GPC6: variants seen among roughly 807,000 people sequenced by gnomAD.
The protein encoded by GPC6 is glypican-6.
In GPC6, 14 loss-of-function variants were observed where a neutral mutation model predicts 55.2. The observed-to-expected ratio is 0.25, with a 90% CI of 0.17 to 0.40. The LOEUF (loss-of-function observed/expected upper bound fraction) is 0.40, where lower values mean the gene tolerates loss of function less well. GPC6 is among the 10% of genes least tolerant of loss of function. The probability of loss-of-function intolerance (pLI) is 1.00; values close to 1 mark genes in which losing one functional copy is unlikely to be tolerated. For missense variants in GPC6, 641 were observed against 708.5 expected, an observed-to-expected ratio of 0.90 and a Z score of 1.08; for synonymous variants, 278 against 259.6, an observed-to-expected ratio of 1.07 and a Z score of -0.68.
chr13:93,436,246 G>C (rs1361853190), intron 1 of GPC6, among the ~76,000 whole-genome samples: 1 of 152,106 alleles, frequency 6.6e-6, no homozygotes. Context: ...CATTGTAAAT[G>C]ACATTGAAAT....
chr13:93,398,810 T>C (rs531956776), intron 1 of GPC6, among the ~76,000 whole-genome samples: 1 of 152,216 alleles, frequency 6.6e-6, no homozygotes, highest in East Asian at 1.9e-4. Context: ...GGTGATAGAA[T>C]TGGGATTAAA....
At chr13:94,102,848 C>T (rs1885915463) in intron 4 of GPC6, among the ~76,000 whole-genome samples, 1 of 152,128 alleles carries the variant, frequency 6.6e-6, no homozygotes, top group Non-Finnish European at 1.5e-5. Flanking sequence ...TCTCATACAA[C>T]TTAATTAGTT....
intron 1 of GPC6, among the ~76,000 whole-genome samples, chr13:93,260,869 A>G (rs934437360): frequency 9.9e-5 from 15 of 152,234 alleles, no homozygotes; most frequent in African/African-American, 3.1e-4. Flanking sequence ...TCATCATGAT[A>G]AAAATTAGAA....
In GPC6 at chr13:93,830,552, G is replaced by GAA; in HGVS notation, c.711+10_711+11dup. 1 of 1,442,262 alleles carries GAA rather than the reference G, an allele frequency of 6.9e-7. No homozygotes were observed. Among genetic ancestry groups the GAA allele is most frequent in the Non-Finnish European group, 9.3e-7 (1 of 1,077,678 alleles). 89.3% of individuals were successfully genotyped at this position (1,442,262 alleles called of 1,614,324 possible). On this transcript the variant is annotated splice_region_variant and intron_variant, in intron 3 of 8. Coordinates refer to ENST00000377047, the MANE Select transcript of GPC6 (RefSeq NM_005708.5). ...TGCAAACCGAGTTTCCAAGGTAATT[G>GAA]AAAACGTGCTTTCTTTCTCATTGGT...
intron 1 of GPC6, among the ~76,000 whole-genome samples, chr13:93,540,398 C>T (rs920251615): frequency 2.0e-5 from 3 of 152,024 alleles, no homozygotes; most frequent in Non-Finnish European, 2.9e-5. Context: ...AATCCTAATC[C>T]TTCCTAGGAG....
chr13:93,321,084 G>T (rs1879421893), intron 1 of GPC6, among the ~76,000 whole-genome samples: 2 of 151,940 alleles, frequency 1.3e-5, no homozygotes, highest in Admixed American at 1.3e-4. Context: ...GATAATTTAT[G>T]GTTATAATGG....
intron 1 of GPC6, among the ~76,000 whole-genome samples, chr13:93,274,495 C>A (rs576001821): frequency 6.6e-6 from 1 of 152,266 alleles, no homozygotes; most frequent in Non-Finnish European, 1.5e-5. Context: ...AGATTTCATT[C>A]TAAAACATTT....
At chr13:93,612,226 G>A (rs892803723) in intron 2 of GPC6, among the ~76,000 whole-genome samples, 3 of 152,142 alleles carry the variant, frequency 2.0e-5, no homozygotes, top group African/African-American at 7.2e-5. Context: ...TAGGCTGGGC[G>A]CGGTGGCTCA....
intron 2 of GPC6, among the ~76,000 whole-genome samples, chr13:93,548,278 G>C (rs1874936518): frequency 6.6e-6 from 1 of 152,044 alleles, no homozygotes; most frequent in African/African-American, 2.4e-5. Flanking sequence ...GTATGTCTTT[G>C]TTGGCTATAT....
chr13:93,527,499 A>G (rs896904532), intron 1 of GPC6, among the ~76,000 whole-genome samples: 30 of 152,278 alleles, frequency 2.0e-4, no homozygotes, highest in African/African-American at 7.2e-4. Flanking sequence ...TTAATCACAC[A>G]AATTATTTAA....
intron 2 of GPC6, among the ~76,000 whole-genome samples, chr13:93,783,096 G>A (rs561500350): frequency 1.3e-5 from 2 of 152,130 alleles, no homozygotes; most frequent in African/African-American, 2.4e-5. Flanking sequence ...TCCTCTGTTA[G>A]TTTGCTGAGG....
intron 2 of GPC6, among the ~76,000 whole-genome samples, chr13:93,660,142 C>A (rs12585404): frequency 0.064 from 9,689 of 152,032 alleles, 546 homozygotes; most frequent in East Asian, 0.28. Flanking sequence ...TAAATAAAGT[C>A]TCCTAATCTG....
intron 3 of GPC6, among the ~76,000 whole-genome samples, chr13:93,861,508 T>C (rs571797041): frequency 1.3e-5 from 2 of 151,506 alleles, no homozygotes; most frequent in African/African-American, 4.8e-5. Flanking sequence ...TGAATGTAGA[T>C]AGGACGGGCA....
chr13:93,432,321 G>T (rs1877392384), intron 1 of GPC6, among the ~76,000 whole-genome samples: 1 of 152,100 alleles, frequency 6.6e-6, no homozygotes, highest in Non-Finnish European at 1.5e-5. Context: ...TCTTTGGTGA[G>T]AAACATAATA....
intron 4 of GPC6, among the ~76,000 whole-genome samples, chr13:94,112,589 A>G (rs1038097318): frequency 3.9e-5 from 6 of 152,120 alleles, no homozygotes; most frequent in Non-Finnish European, 7.4e-5. Context: ...GGAAAATTGC[A>G]TATTCTTTTC....
intron 3 of GPC6, among the ~76,000 whole-genome samples, chr13:93,925,794 C>A (rs956952941): frequency 2.0e-5 from 3 of 152,156 alleles, no homozygotes; most frequent in African/African-American, 7.2e-5. Context: ...CAGAATGGCT[C>A]ATTTGAGGTA....
At chr13:93,897,707 T>C (rs1876095760) in intron 3 of GPC6, among the ~76,000 whole-genome samples, 1 of 152,088 alleles carries the variant, frequency 6.6e-6, no homozygotes, top group Non-Finnish European at 1.5e-5. Flanking sequence ...AACAATCTGC[T>C]ATGAGACACT....
chr13:93,869,330 T>C (rs897984601), intron 3 of GPC6, among the ~76,000 whole-genome samples: 4 of 151,826 alleles, frequency 2.6e-5, no homozygotes, highest in Non-Finnish European at 5.9e-5. Flanking sequence ...GTGGCATGTG[T>C]TTGCAGTTCA....
chr13:94,248,664 C>T (rs1891266928), intron 4 of GPC6, among the ~76,000 whole-genome samples: 1 of 151,622 alleles, frequency 6.6e-6, no homozygotes, highest in East Asian at 1.9e-4. Context: ...TCCCCATGAC[C>T]ATTTCAGGCT....
Sources: gnomAD v4.1 joint callset for allele counts (sites outside exome capture counted in the v4.1 genomes callset) on GRCh38, gnomAD v4.1.1 for gene constraint, MANE v1.5 for transcripts, NCBI Gene and HGNC (gene_info 2026-07-23, HGNC 2026-07-21) for gene names.